Variants in TEX35 observed in about 807,000 individuals in gnomAD.
TEX35 encodes the protein testis expressed 35, also known as testis-expressed protein 35.
TEX35 carries 26 observed loss-of-function variants against 31.9 expected under a neutral mutation model. The observed-to-expected ratio is 0.81, with a 90% confidence interval of 0.60 to 1.13. TEX35 has a LOEUF of 1.13. Among genes scored for constraint, TEX35 ranks in the 50% most tolerant of loss-of-function variants. TEX35 has a pLI of 0.00. For missense variants in TEX35, 278 were observed against 273.5 expected (o/e 1.02, Z -0.12); for synonymous variants, 87 against 90.7 (o/e 0.96, Z 0.23).
At chr1:178,514,268 A>C (rs1423031233) in intron 2 of TEX35, 191 bp downstream of exon 2, 139 of 1,499,974 alleles carry the variant, frequency 9.3e-5, no homozygotes, top group Non-Finnish European at 1.1e-4. Context: ...ACAAGGACTC[A>C]TTCAGCAGTG....
intron 8 of TEX35, chr1:178,521,587 C>G: frequency 6.5e-7 from 1 of 1,539,988 alleles, no homozygotes; most frequent in Non-Finnish European, 8.8e-7. Context: ...GTCTGGGCAC[C>G]CTTTTCACCC....
Position 178,514,318 on chromosome 1 carries a change from T to C in TEX35, c.90+241T>C, listed in dbSNP as rs1468320041. ...GGGAATCAAGACAGGGAGACATGTC[T>C]GAGTGGCTGCCGTGGAGTGGGTGGT... On this transcript the variant is annotated intron_variant, in intron 2 of 8. Transcript: ENST00000319416. 6 of 1,375,200 alleles carry C rather than the reference T, an allele frequency of 4.4e-6. No individual in the cohort carries two copies. The African/African-American group carries it at 8.8e-5, about 20-fold the overall frequency. 85.2% of individuals were successfully genotyped at this position (1,375,200 alleles called of 1,614,324 possible).
Position 178,522,399 on chromosome 1 carries a change from C to G in TEX35, c.661C>G (p.His221Asp). The G allele has an allele frequency of 6.2e-7, 1 of 1,605,138 alleles. No homozygotes were observed. The highest frequency in any genetic ancestry group is 1.1e-5 in the South Asian group (1 of 88,806). Residue 221 changes from histidine (H) to aspartate (D), a missense_variant, in exon 9 of 9, where the codon CAC becomes GAC. Physicochemically the swap from His to Asp is moderately conservative, Grantham distance 81. Transcript: ENST00000319416. The part of the protein sequence containing the change: ...EPVTTQPSVG[H>D]AVPAPKSQTE... Reference sequence around the variant, plus strand: ...AGTGACCACCCAACCTTCTGTGGGCCACGCTGTGCCTGCCCCAAAGTCCCA... The same window carrying G: ...AGTGACCACCCAACCTTCTGTGGGCGACGCTGTGCCTGCCCCAAAGTCCCA...
chr1:178,521,245 A>G lies in TEX35; in HGVS notation c.567A>G (p.Leu189=). 1.2e-6 allele frequency: 2 copies of G among 1,614,224 alleles called. No homozygotes were observed. The highest frequency in any genetic ancestry group is 1.3e-5 in the African/African-American group (1 of 75,068). Residue 189 remains leucine, a synonymous_variant, in exon 8 of 9, where the codon CTA becomes CTG. Coordinates refer to ENST00000319416, the MANE Select transcript of TEX35 (RefSeq NM_032126.5). Reference sequence around the variant, plus strand: ...AGGAGAAATGTTTGTTGTGTGCTCTAAAGAACAACTACAATCGGGGTAGGT... The same window carrying G: ...AGGAGAAATGTTTGTTGTGTGCTCTGAAGAACAACTACAATCGGGGTAGGT... ...TCCEKCLLCA[L]KNNYNRGNIP... is the part of the protein sequence containing the mutation.
rs1650178705 is a variant in TEX35 at position 178,522,128 on chromosome 1, T to C, written c.587-197T>C. The C allele has an allele frequency of 2.2e-5, 17 of 776,246 alleles. 1 individual carries two copies. The South Asian group carries it at 3.5e-4, about 16-fold the overall frequency. 48.1% of individuals were successfully genotyped at this position (776,246 alleles called of 1,614,324 possible). On this transcript the variant is annotated intron_variant, in intron 8 of 8. Transcript: ENST00000319416. Reference sequence around the variant, plus strand: ...CACATAATCAGCCTCCACCTGTGCATGGGGCCAGGGTGTCTTGGGTGATGC... The same window carrying C: ...CACATAATCAGCCTCCACCTGTGCACGGGGCCAGGGTGTCTTGGGTGATGC...
intron 7 of TEX35, 136 bp downstream of exon 7, chr1:178,521,010 G>A: frequency 6.5e-7 from 1 of 1,540,096 alleles, no homozygotes; most frequent in South Asian, 1.2e-5. Flanking sequence ...TGCCGCCCGA[G>A]CCTGCGCCCT....
At chr1:178,514,505 C>T (rs992931885) in intron 2 of TEX35, among the ~76,000 whole-genome samples, 195 bp from the exon 3 acceptor site, 1 of 152,138 alleles carries the variant, frequency 6.6e-6, no homozygotes, top group African/African-American at 2.4e-5. Flanking sequence ...CCCCGTGGGC[C>T]AGCAGGGGAG....
chr1:178,519,087 CA>C (rs1650178278), intron 5 of TEX35, among the ~76,000 whole-genome samples: 1 of 152,142 alleles, frequency 6.6e-6, no homozygotes, highest in Non-Finnish European at 1.5e-5. Flanking sequence ...AGGAGCACTT[CA>C]AAAAGCTTAG....
intron 5 of TEX35, among the ~76,000 whole-genome samples, chr1:178,517,976 A>G (rs1650141423): frequency 6.6e-6 from 1 of 152,214 alleles, no homozygotes; most frequent in East Asian, 1.9e-4. Context: ...TTACAGAATT[A>G]AAGAAACTGT....
rs1475255094 is a variant in TEX35, at chr1:178,514,084, A to G, written c.90+7A>G. 1 of 1,614,108 alleles carries G rather than the reference A, an allele frequency of 6.2e-7. No individual in the cohort carries two copies. The highest frequency in any genetic ancestry group is 2.2e-5 in the East Asian group (1 of 44,894). ...GAAGCCAGAGCCGACCAAAGTAAGA[A>G]GCCCTTTTGAGGCCATGCAGGCAGC... On this transcript the variant is annotated splice_region_variant and intron_variant, in intron 2 of 8. Coordinates refer to ENST00000319416, the MANE Select transcript of TEX35 (RefSeq NM_032126.5).
chr1:178,519,770 A>G (rs1168725765), intron 5 of TEX35, among the ~76,000 whole-genome samples: 4 of 152,216 alleles, frequency 2.6e-5, no homozygotes, highest in Non-Finnish European at 5.9e-5. Context: ...CTACCATCTT[A>G]GAATTTTTCT....
At chr1:178,513,884 G>A in intron 1 of TEX35, 143 bp from the exon 2 acceptor site, 3 of 888,068 alleles carry the variant, frequency 3.4e-6, no homozygotes, top group South Asian at 3.4e-5. Context: ...TGCGGGGTCT[G>A]TGAGCCTGAG....
At position 178,520,764 on chromosome 1, in the gene TEX35, G is replaced by A; in HGVS notation, c.433G>A (p.Gly145Arg). 6.2e-7 allele frequency: 1 copy of A among 1,614,126 alleles called. No individual in the cohort carries two copies. Among genetic ancestry groups the A allele is most frequent in the Non-Finnish European group, 8.5e-7 (1 of 1,180,026 alleles). The change falls in exon 7 of 9, where the codon GGA becomes AGA. Residue 145 changes from glycine to arginine, a missense_variant. Physicochemically the swap from Gly to Arg is moderately radical, Grantham distance 125 (BLOSUM62 -2). Coordinates refer to ENST00000319416, the MANE Select transcript of TEX35 (RefSeq NM_032126.5). The stretch of plus-strand genomic sequence containing the variant: ...ACAGCTCAGGCCCAAGAAAATGGAT[G>A]GAGCCAGTGGAGTCAATGGAGCACC... ...EPQLRPKKMD[G>R]ASGVNGAPCA... is the part of the protein sequence containing the mutation.
At chr1:178,513,555 A>T (rs547920097) in intron 1 of TEX35, among the ~76,000 whole-genome samples, 104 of 152,278 alleles carry the variant, frequency 6.8e-4, no homozygotes, top group Non-Finnish European at 1.3e-3. Flanking sequence ...TAAGGCTCAG[A>T]ATAACCTTAT....
At chr1:178,513,862 G>A (rs1023327962) in intron 1 of TEX35, among the ~76,000 whole-genome samples, 165 bp from the exon 2 acceptor site, 31 of 152,318 alleles carry the variant, frequency 2.0e-4, no homozygotes, top group African/African-American at 6.7e-4. Context: ...GTTAGGAATC[G>A]GATCCGGGTG....
downstream of TEX35, chr1:178,522,771 G>T: frequency 1.8e-6 from 1 of 543,174 alleles, no homozygotes; most frequent in Non-Finnish European, 2.5e-6. Flanking sequence ...ATGCCATGGA[G>T]AATGGGGTAT....
chr1:178,517,986 T>A (rs1013134929), intron 5 of TEX35, among the ~76,000 whole-genome samples: 18 of 152,110 alleles, frequency 1.2e-4, no homozygotes, highest in African/African-American at 4.3e-4. Flanking sequence ...AAAGAAACTG[T>A]TTGGGGGAAC....
chr1:178,520,554 T>G (rs950990887), intron 6 of TEX35, 118 bp downstream of exon 6: 4 of 1,600,044 alleles, frequency 2.5e-6, no homozygotes, highest in Non-Finnish European at 3.4e-6. Context: ...TCTTTGCTCC[T>G]ACTGCCCCTG....
intron 5 of TEX35, among the ~76,000 whole-genome samples, chr1:178,520,084 G>A (rs1444813664): frequency 6.6e-6 from 1 of 152,154 alleles, no homozygotes; most frequent in African/African-American, 2.4e-5. Context: ...GCAAGCATTG[G>A]TTTTATCCAA....
Sources: gnomAD v4.1 joint callset for allele counts (sites outside exome capture counted in the v4.1 genomes callset) on GRCh38, gnomAD v4.1.1 for gene constraint, MANE v1.5 for transcripts, NCBI Gene and HGNC (gene_info 2026-07-23, HGNC 2026-07-21) for gene names.